Variants in EPHA6 observed in about 807,000 individuals in gnomAD.
EPHA6 encodes the protein EPH receptor A6.
In EPHA6, 50 loss-of-function variants were observed where a neutral mutation model predicts 112.0. The ratio of observed to expected loss-of-function variants is 0.45; its 90% confidence interval spans 0.36 to 0.56. The LOEUF is 0.56. Ranked by LOEUF, EPHA6 falls within the 20% of genes least tolerant of loss-of-function variation. EPHA6 has a pLI of 0.00. For missense variants in EPHA6, 1,280 were observed against 1,417.4 expected (o/e 0.90, Z 1.56); for synonymous variants, 529 against 490.7 (o/e 1.08, Z -1.03).
At position 96,875,395 on chromosome 3, in the gene EPHA6, A is replaced by C. The variant is rs1031373116; in HGVS notation, c.450+8506A>C. The stretch of plus-strand genomic sequence containing the variant: ...TACTCGAGCAACTATGATTTGTGTC[A>C]CTTCTTTCTCCACTATCTCAGAATA... On this transcript the variant is annotated intron_variant, in intron 2 of 17. Coordinates refer to ENST00000389672, the MANE Select transcript of EPHA6 (RefSeq NM_001080448.3). Among the ~76,000 whole-genome samples the C allele has an allele frequency of 8.5e-5, 13 of 152,242 alleles. No individual in the cohort carries two copies. The South Asian group carries it at 2.5e-3, about 29-fold the overall frequency.
At chr3:97,432,086 G>A (rs962695696) in intron 6 of EPHA6, among the ~76,000 whole-genome samples, 21 of 152,038 alleles carry the variant, frequency 1.4e-4, no homozygotes, top group Non-Finnish European at 5.9e-5. Context: ...AGACGTTGAT[G>A]TTATTCCCAC....
intron 10 of EPHA6, among the ~76,000 whole-genome samples, chr3:97,504,538 CAG>C (rs1207027488): frequency 6.6e-6 from 1 of 152,124 alleles, no homozygotes; most frequent in East Asian, 1.9e-4. Flanking sequence ...TGTCAGGGGA[CAG>C]AGTTTTCCAT....
chr3:96,890,112 C>T (rs1393131241), intron 2 of EPHA6, among the ~76,000 whole-genome samples: 1 of 147,946 alleles, frequency 6.8e-6, no homozygotes, highest in Non-Finnish European at 1.5e-5. Context: ...TTAAACCGAA[C>T]CCCCAAAATA....
At chr3:97,707,385 G>A (rs985551992) in intron 14 of EPHA6, among the ~76,000 whole-genome samples, 11 of 152,146 alleles carry the variant, frequency 7.2e-5, no homozygotes, top group African/African-American at 1.2e-4. Context: ...ATAATAGTAC[G>A]TAGAGGTTAC....
intron 2 of EPHA6, among the ~76,000 whole-genome samples, chr3:96,918,950 G>A (rs1441138623): frequency 1.3e-5 from 2 of 151,872 alleles, no homozygotes; most frequent in Non-Finnish European, 2.9e-5. Context: ...TTATACAGTC[G>A]ATAGCAGAGA....
chr3:97,056,012 G>T (rs1230545998), intron 3 of EPHA6, among the ~76,000 whole-genome samples: 1 of 150,390 alleles, frequency 6.6e-6, no homozygotes, highest in African/African-American at 2.5e-5. Flanking sequence ...CTTATGATTT[G>T]CCTAATATTA....
chr3:97,177,820 A>T (rs996450567), intron 3 of EPHA6, among the ~76,000 whole-genome samples: 11 of 151,808 alleles, frequency 7.2e-5, no homozygotes, highest in African/African-American at 1.5e-4. Flanking sequence ...CCATCTCTTT[A>T]TTATCAGTCT....
chr3:97,376,508 A>G (rs1051876556), intron 5 of EPHA6, among the ~76,000 whole-genome samples: 2 of 152,214 alleles, frequency 1.3e-5, no homozygotes, highest in African/African-American at 4.8e-5. Flanking sequence ...CAGAATCAGA[A>G]AGATTCTCTA....
At chr3:97,197,732 A>G (rs1329074439) in intron 3 of EPHA6, among the ~76,000 whole-genome samples, 1 of 152,006 alleles carries the variant, frequency 6.6e-6, no homozygotes, top group Non-Finnish European at 1.5e-5. Context: ...AGCCCAGTAC[A>G]GCGCCAAGAC....
intron 15 of EPHA6, 29 bp downstream of exon 15, chr3:97,720,439 T>C (rs2034474540): frequency 6.4e-7 from 1 of 1,563,594 alleles, no homozygotes; most frequent in South Asian, 1.2e-5. Context: ...TAAACTGCCA[T>C]TTTGTGAATG....
chr3:96,945,501 A>G (rs1392212936), intron 2 of EPHA6, among the ~76,000 whole-genome samples: 1 of 152,220 alleles, frequency 6.6e-6, no homozygotes, highest in East Asian at 1.9e-4. Context: ...TGCATGTGTT[A>G]CTAACCCTAC....
chr3:97,312,851 A>G (rs974446967), intron 5 of EPHA6, among the ~76,000 whole-genome samples: 2 of 151,498 alleles, frequency 1.3e-5, no homozygotes, highest in Non-Finnish European at 3.0e-5. Flanking sequence ...TATTTCAGGA[A>G]GAAACTCCCA....
chr3:97,207,979 G>A (rs751175551), intron 3 of EPHA6, among the ~76,000 whole-genome samples: 59 of 152,124 alleles, frequency 3.9e-4, no homozygotes, highest in Non-Finnish European at 7.6e-4. Flanking sequence ...TTTGGTATGA[G>A]CCAAATCAAG....
intron 14 of EPHA6, among the ~76,000 whole-genome samples, chr3:97,654,829 A>T (rs1249166068): frequency 6.6e-6 from 1 of 151,832 alleles, no homozygotes; most frequent in African/African-American, 2.4e-5. Flanking sequence ...AGTAGAAATT[A>T]TATTCTATCT....
chr3:97,508,984 CTTTTTTTTTTTTTTTTTTTTTTTTTT>C (rs141763479), intron 10 of EPHA6, among the ~76,000 whole-genome samples: 1 of 22,312 alleles, frequency 4.5e-5, no homozygotes, highest in Non-Finnish European at 9.4e-5. Flanking sequence ...GCATCCCTGG[CTTTTTTTTTTTTTTTTTTTTTTTTTT>C]TTTTTTTTTT....
At chr3:97,711,695 TGGGCCCTCA>T (rs2033976584) in intron 14 of EPHA6, among the ~76,000 whole-genome samples, 1 of 152,142 alleles carries the variant, frequency 6.6e-6, no homozygotes, top group African/African-American at 2.4e-5. Context: ...TTGTTCTATC[TGGGCCCTCA>T]GTAGATTGGA....
At chr3:97,151,883 CGTA>C (rs1418752981) in intron 3 of EPHA6, among the ~76,000 whole-genome samples, 22 of 151,592 alleles carry the variant, frequency 1.5e-4, no homozygotes, top group Admixed American at 2.0e-4. Flanking sequence ...AAGTATGTAT[CGTA>C]GTAATTATAT....
chr3:97,544,877 A>G (rs1229257747), intron 11 of EPHA6, among the ~76,000 whole-genome samples: 9 of 152,082 alleles, frequency 5.9e-5, no homozygotes, highest in African/African-American at 1.7e-4. Context: ...GTTTATTTGC[A>G]TAGAGGTGTT....
intron 3 of EPHA6, among the ~76,000 whole-genome samples, chr3:97,055,647 G>C (rs182283595): frequency 6.5e-4 from 99 of 152,102 alleles, no homozygotes; most frequent in African/African-American, 2.3e-3. Flanking sequence ...CTGTCCTCCA[G>C]GTATCTATTT....
Sources: gnomAD v4.1 joint callset for allele counts (sites outside exome capture counted in the v4.1 genomes callset) on GRCh38, gnomAD v4.1.1 for gene constraint, MANE v1.5 for transcripts, NCBI Gene and HGNC (gene_info 2026-07-23, HGNC 2026-07-21) for gene names.